SLC35F1: variants seen among roughly 807,000 people sequenced by gnomAD.
SLC35F1 encodes the protein solute carrier family 35 member F1, also known as chromosome 6 open reading frame 169.
Under a neutral mutation model 48.7 loss-of-function variants are expected in SLC35F1, and 14 were observed. The ratio of observed to expected loss-of-function variants is 0.29; its 90% CI spans 0.19 to 0.45. SLC35F1 has a LOEUF of 0.45. Among genes scored for constraint, SLC35F1 ranks in the 20% least tolerant of loss-of-function variants. The probability of loss-of-function intolerance (pLI) is 1.00; values close to 1 mark genes in which losing one functional copy is unlikely to be tolerated. For synonymous variants in SLC35F1, 190 were observed against 202.2 expected (o/e 0.94, Z 0.51); for missense variants, 404 against 500.0 (o/e 0.81, Z 1.83).
chr6:118,008,643 A>C (rs1326972505), intron 1 of SLC35F1, among the ~76,000 whole-genome samples: 1 of 152,220 alleles, frequency 6.6e-6, no homozygotes, highest in African/African-American at 2.4e-5. Flanking sequence ...CTCACAATTC[A>C]GGATAAGAGA....
At chr6:118,302,576 G>C (rs1776266050) in intron 7 of SLC35F1, among the ~76,000 whole-genome samples, 1 of 152,050 alleles carries the variant, frequency 6.6e-6, no homozygotes. Context: ...GAATATATTG[G>C]TTCATGAATG....
intron 1 of SLC35F1, among the ~76,000 whole-genome samples, chr6:117,957,998 A>G (rs1427864304): frequency 6.6e-6 from 1 of 152,218 alleles, no homozygotes; most frequent in Non-Finnish European, 1.5e-5. Context: ...ATAGGAGATG[A>G]CAGCTCTATG....
chr6:117,993,298 A>G (rs1776944000), intron 1 of SLC35F1, among the ~76,000 whole-genome samples: 1 of 152,084 alleles, frequency 6.6e-6, no homozygotes, highest in Non-Finnish European at 1.5e-5. Flanking sequence ...GGTAATGTTT[A>G]CCCTTAACCA....
intron 2 of SLC35F1, among the ~76,000 whole-genome samples, chr6:118,197,492 A>T (rs969635122): frequency 2.0e-5 from 3 of 152,180 alleles, no homozygotes; most frequent in Non-Finnish European, 4.4e-5. Flanking sequence ...GCTCAGACAA[A>T]CTCTCCTATC....
intron 7 of SLC35F1, among the ~76,000 whole-genome samples, chr6:118,287,455 G>T (rs1240463501): frequency 6.6e-6 from 1 of 152,222 alleles, no homozygotes; most frequent in Non-Finnish European, 1.5e-5. Flanking sequence ...GCTGAGGGCT[G>T]CAGTCACTGC....
intron 1 of SLC35F1, among the ~76,000 whole-genome samples, chr6:117,996,389 G>A (rs971560952): frequency 2.2e-4 from 33 of 152,204 alleles, no homozygotes; most frequent in African/African-American, 7.5e-4. Flanking sequence ...CAAAAGACAG[G>A]TGATTTCTGC....
chr6:117,996,554 C>T (rs971166485), intron 1 of SLC35F1, among the ~76,000 whole-genome samples: 17 of 152,190 alleles, frequency 1.1e-4, no homozygotes, highest in Non-Finnish European at 2.1e-4. Context: ...ACTGACACCT[C>T]ACACGGCCGG....
chr6:118,212,144 T>C (rs1775008252), intron 2 of SLC35F1, among the ~76,000 whole-genome samples: 2 of 152,200 alleles, frequency 1.3e-5, no homozygotes, highest in African/African-American at 2.4e-5. Flanking sequence ...TAGGCCAAAG[T>C]TTCTTTTCTC....
chr6:117,971,143 A>G (rs958795278), intron 1 of SLC35F1, among the ~76,000 whole-genome samples: 1 of 152,212 alleles, frequency 6.6e-6, no homozygotes, highest in Non-Finnish European at 1.5e-5. Context: ...TTGGGTAAAT[A>G]CACCCATTCC....
At chr6:117,961,963 C>A (rs981115697) in intron 1 of SLC35F1, among the ~76,000 whole-genome samples, 2 of 152,178 alleles carry the variant, frequency 1.3e-5, no homozygotes, top group African/African-American at 4.8e-5. Context: ...TCAGTTTATG[C>A]ATAGAATAAA....
At chr6:117,997,568 T>C (rs571305593) in intron 1 of SLC35F1, among the ~76,000 whole-genome samples, 4 of 152,234 alleles carry the variant, frequency 2.6e-5, no homozygotes, top group Admixed American at 2.0e-4. Context: ...AGACTAACAG[T>C]GGATCTCTCA....
intron 3 of SLC35F1, among the ~76,000 whole-genome samples, chr6:118,249,941 C>T (rs1362444137): frequency 1.3e-5 from 2 of 152,142 alleles, no homozygotes; most frequent in Non-Finnish European, 2.9e-5. Flanking sequence ...CCAGGGCGCT[C>T]ACCTTTGATT....
chr6:118,134,321 T>G (rs983053506), intron 1 of SLC35F1, among the ~76,000 whole-genome samples: 1 of 152,204 alleles, frequency 6.6e-6, no homozygotes, highest in African/African-American at 2.4e-5. Flanking sequence ...TCTCATTGCT[T>G]ACTATGAAAT....
At chr6:117,944,041 G>T (rs574230692) in intron 1 of SLC35F1, among the ~76,000 whole-genome samples, 106 of 152,234 alleles carry the variant, frequency 7.0e-4, no homozygotes, top group Middle Eastern at 3.4e-3. Context: ...GTGAAAAAAA[G>T]CACTAAAAAT....
intron 1 of SLC35F1, among the ~76,000 whole-genome samples, chr6:118,104,460 A>G (rs1268869651): frequency 6.6e-6 from 1 of 152,214 alleles, no homozygotes; most frequent in Non-Finnish European, 1.5e-5. Context: ...AAGCACAGTG[A>G]CAAACACAGT....
intron 6 of SLC35F1, among the ~76,000 whole-genome samples, chr6:118,279,326 A>G (rs182916349): frequency 6.6e-6 from 1 of 152,180 alleles, no homozygotes; most frequent in African/African-American, 2.4e-5. Flanking sequence ...AGGGGAATCA[A>G]ATACTCATCT....
intron 1 of SLC35F1, among the ~76,000 whole-genome samples, chr6:118,120,335 G>A (rs556405748): frequency 1.2e-4 from 18 of 152,154 alleles, no homozygotes; most frequent in East Asian, 3.9e-4. Context: ...ACTAACTGCC[G>A]TCTCATCACA....
At chr6:118,221,459 T>C (rs888226236) in intron 2 of SLC35F1, among the ~76,000 whole-genome samples, 4 of 152,112 alleles carry the variant, frequency 2.6e-5, no homozygotes, top group African/African-American at 9.7e-5. Flanking sequence ...ATGGAAGTAA[T>C]AGAATTCAAA....
intron 6 of SLC35F1, 59 bp from the exon 7 acceptor site, chr6:118,285,125 G>T: frequency 6.3e-7 from 1 of 1,585,916 alleles, no homozygotes; most frequent in Middle Eastern, 1.9e-4. Flanking sequence ...TCCTGCTGTG[G>T]ATGCTGAAGA....
Sources: gnomAD v4.1 joint callset for allele counts (sites outside exome capture counted in the v4.1 genomes callset) on GRCh38, gnomAD v4.1.1 for gene constraint, MANE v1.5 for transcripts, NCBI Gene and HGNC (gene_info 2026-07-23, HGNC 2026-07-21) for gene names.